Variants in ULK4 observed in about 807,000 individuals in gnomAD.
ULK4 encodes the protein unc-51 like kinase 4, also known as inactive serine/threonine-protein kinase ULK4.
A neutral mutation model predicts 160.6 loss-of-function variants in ULK4; 133 were observed. The observed-to-expected ratio is 0.83, with a 90% CI of 0.72 to 0.96. The LOEUF is 0.96. Among genes scored for constraint, ULK4 ranks in the 40% least tolerant of loss-of-function variants. The pLI, the probability that ULK4 is intolerant of heterozygous loss-of-function variation, is 0.00. For missense variants in ULK4, 1,580 were observed against 1,499.5 expected (o/e 1.05, Z -0.89); for synonymous variants, 534 against 539.8 (o/e 0.99, Z 0.15).
intron 35 of ULK4, among the ~76,000 whole-genome samples, chr3:41,274,845 C>T (rs9814220): frequency 0.25 from 37,824 of 151,944 alleles, 6,954 homozygotes; most frequent in African/African-American, 0.52. Context: ...ATTCATGTAC[C>T]AAGGACTTCT....
intron 34 of ULK4, among the ~76,000 whole-genome samples, chr3:41,406,166 A>G (rs1330646335): frequency 6.6e-6 from 1 of 152,302 alleles, no homozygotes; most frequent in Middle Eastern, 3.4e-3. Context: ...ATAGTGGTCA[A>G]GTTTCATTCT....
intron 30 of ULK4, among the ~76,000 whole-genome samples, chr3:41,629,602 C>A (rs1246293879): frequency 6.6e-6 from 1 of 152,146 alleles, no homozygotes; most frequent in Non-Finnish European, 1.5e-5. Flanking sequence ...AGCTACAATA[C>A]AGAAGGGCAT....
intron 35 of ULK4, among the ~76,000 whole-genome samples, chr3:41,311,697 T>C (rs2080052346): frequency 6.6e-6 from 1 of 151,976 alleles, no homozygotes; most frequent in Admixed American, 6.6e-5. Flanking sequence ...GCCTCCCAAA[T>C]AGCTGGGACT....
chr3:41,411,363 T>C (rs1026754961), intron 34 of ULK4, among the ~76,000 whole-genome samples: 1 of 152,106 alleles, frequency 6.6e-6, no homozygotes, highest in Non-Finnish European at 1.5e-5. Context: ...AGAGGCTTTA[T>C]CTGCATGTTA....
chr3:41,476,602 G>T (rs1269794456), intron 32 of ULK4, among the ~76,000 whole-genome samples: 4 of 152,066 alleles, frequency 2.6e-5, no homozygotes, highest in Non-Finnish European at 4.4e-5. Context: ...GAAACATTAA[G>T]CCATTCCTTT....
intron 25 of ULK4, among the ~76,000 whole-genome samples, chr3:41,712,153 G>A (rs2037118744): frequency 6.6e-6 from 1 of 152,130 alleles, no homozygotes; most frequent in African/African-American, 2.4e-5. Flanking sequence ...TTGTATTTAT[G>A]CCTCCATATA....
chr3:41,403,943 G>A (rs2082238869), intron 34 of ULK4, among the ~76,000 whole-genome samples: 1 of 152,052 alleles, frequency 6.6e-6, no homozygotes, highest in Non-Finnish European at 1.5e-5. Flanking sequence ...TGTTATTAGA[G>A]AACAATGTTC....
chr3:41,499,509 C>T (rs2085113173), intron 32 of ULK4, among the ~76,000 whole-genome samples: 1 of 152,132 alleles, frequency 6.6e-6, no homozygotes, highest in African/African-American at 2.4e-5. Context: ...TATTGATCGG[C>T]ACAAAATACG....
At chr3:41,372,103 T>C (rs905009002) in intron 35 of ULK4, among the ~76,000 whole-genome samples, 1 of 151,526 alleles carries the variant, frequency 6.6e-6, no homozygotes, top group Non-Finnish European at 1.5e-5. Context: ...GAAAAAAGAA[T>C]GAAAAGGAAC....
chr3:41,294,163 G>C (rs2079625091), intron 35 of ULK4, among the ~76,000 whole-genome samples: 1 of 152,176 alleles, frequency 6.6e-6, no homozygotes, highest in Non-Finnish European at 1.5e-5. Context: ...TGATGTTTAG[G>C]TCATGAGGGC....
intron 35 of ULK4, among the ~76,000 whole-genome samples, chr3:41,387,778 G>A (rs1369126988): frequency 5.9e-5 from 9 of 152,102 alleles, no homozygotes; most frequent in Non-Finnish European, 1.3e-4. Context: ...TATCATTGTT[G>A]GACATTTGGG....
At chr3:41,689,005 T>C (rs1411264524) in intron 27 of ULK4, among the ~76,000 whole-genome samples, 1 of 152,200 alleles carries the variant, frequency 6.6e-6, no homozygotes, top group African/African-American at 2.4e-5. Context: ...TTTTTTGTAC[T>C]CTTCCAACTT....
chr3:41,414,343 C>T (rs1231053338), intron 34 of ULK4, among the ~76,000 whole-genome samples: 1 of 152,198 alleles, frequency 6.6e-6, no homozygotes, highest in Non-Finnish European at 1.5e-5. Flanking sequence ...AGTGAATACA[C>T]ACATACAACT....
intron 35 of ULK4, among the ~76,000 whole-genome samples, chr3:41,283,006 A>T (rs2079389304): frequency 6.6e-6 from 1 of 152,368 alleles, no homozygotes; most frequent in South Asian, 2.1e-4. Context: ...GACACTTCTC[A>T]AAAGAAGACA....
chr3:41,780,446 T>A (rs186690032), intron 21 of ULK4, among the ~76,000 whole-genome samples: 1 of 152,258 alleles, frequency 6.6e-6, no homozygotes, highest in East Asian at 1.9e-4. Context: ...ACCAAAGGTC[T>A]TTTTAGAGTC....
chr3:41,725,046 C>G (rs1342691648), intron 22 of ULK4, among the ~76,000 whole-genome samples: 1 of 152,130 alleles, frequency 6.6e-6, no homozygotes, highest in African/African-American at 2.4e-5. Flanking sequence ...TTATGAATGT[C>G]TCTTACTCTG....
intron 35 of ULK4, among the ~76,000 whole-genome samples, chr3:41,376,122 G>GTC (rs1010552081): frequency 1.3e-5 from 2 of 150,388 alleles, no homozygotes; most frequent in Non-Finnish European, 2.9e-5. Context: ...TCATTAAAAA[G>GTC]TCAGAAAACA....
chr3:41,706,931 CAT>C lies in ULK4; in HGVS notation c.2635-1628_2635-1627del, dbSNP rs757206769. Among the ~76,000 whole-genome samples, 18 of 131,978 alleles carry C rather than the reference CAT, an allele frequency of 1.4e-4. No individual in the cohort carries two copies. In the South Asian group the frequency reaches 3.3e-3, roughly 24 times the overall value. 86.6% of individuals were successfully genotyped at this position (131,978 alleles called of 152,430 possible). A position where few individuals can be genotyped will look rare whatever the true frequency, so the allele number is the denominator to read the frequency against. Reference sequence around the variant, plus strand: ...GAGAGAGAGAATAGAATCTATGTAACATATACAAAAGAACATAGGTATGTATT... The same window carrying C: ...GAGAGAGAGAATAGAATCTATGTAACATACAAAAGAACATAGGTATGTATT... On this transcript the variant is annotated intron_variant, in intron 25 of 36. Coordinates refer to ENST00000301831, the MANE Select transcript of ULK4 (RefSeq NM_017886.4).
chr3:41,894,937 G>C (rs1559634374), intron 16 of ULK4, among the ~76,000 whole-genome samples: 1 of 152,228 alleles, frequency 6.6e-6, no homozygotes, highest in South Asian at 2.1e-4. Flanking sequence ...TAAAAAGCAA[G>C]GACACTTCCT....
Sources: allele counts gnomAD v4.1 joint callset (sites outside exome capture counted in the v4.1 genomes callset), GRCh38; gene constraint gnomAD v4.1.1; transcripts MANE v1.5; gene names NCBI Gene and HGNC (gene_info 2026-07-23, HGNC 2026-07-21).